Variants in ACADL observed in about 807,000 individuals in gnomAD.
The protein encoded by ACADL is long-chain specific acyl-CoA dehydrogenase, mitochondrial.
Under a neutral mutation model 56.9 loss-of-function variants are expected in ACADL, and 60 were observed. The ratio of observed to expected loss-of-function variants is 1.05; its 90% CI spans 0.86 to 1.31. The LOEUF (loss-of-function observed/expected upper bound fraction) is 1.31, where lower values mean the gene tolerates loss of function less well. Ranked by LOEUF, ACADL falls within the 50% of genes most tolerant of loss-of-function variation. ACADL has a pLI of 0.00. For synonymous variants in ACADL, 158 were observed against 179.7 expected, an observed-to-expected ratio of 0.88 and a Z score of 0.97; for missense variants, 484 against 525.5, an observed-to-expected ratio of 0.92 and a Z score of 0.77.
rs767415399 is a variant in ACADL at position 210,205,635 on chromosome 2, G to A, written c.765C>T (p.Ala255=). ...TATGATTTACATTATCACTCACCTG[G>A]GCTTTTAATCCCATTTTATGTAGCT... ...GRKLHKMGLK[A]QDTAELFFED... is the part of the protein sequence containing the mutation. Residue 255 remains alanine, a synonymous_variant, in exon 6 of 11, where the codon GCC becomes GCT. Coordinates refer to ENST00000233710, the MANE Select transcript of ACADL (RefSeq NM_001608.4). 3 of 1,613,384 alleles carry A rather than the reference G, an allele frequency of 1.9e-6. No individual in the cohort carries two copies. Among genetic ancestry groups the A allele is most frequent in the African/African-American group, 1.3e-5 (1 of 74,826 alleles).
intron 5 of ACADL, among the ~76,000 whole-genome samples, chr2:210,209,354 T>C (rs1032084098): frequency 6.6e-6 from 1 of 152,184 alleles, no homozygotes; most frequent in Non-Finnish European, 1.5e-5. Flanking sequence ...GCAATATCAC[T>C]TGCCCTCAGT....
In ACADL at chr2:210,216,575, A is replaced by G. The variant is rs951436317; in HGVS notation, c.372-64T>C. ...AGCAATAAAAAACGACTATTATAAC[A>G]ACAATGTATTAAGGTCCTATCAAAT... On this transcript the variant is annotated intron_variant, in intron 3 of 10. Transcript: ENST00000233710. 98 of 1,450,548 alleles carry G rather than the reference A, an allele frequency of 6.8e-5. 3 individuals carry two copies. The South Asian group carries it at 1.1e-3, about 16-fold the overall frequency. The allele number at this position is 1,450,548 out of a possible 1,614,324, so 89.9% of individuals were successfully genotyped here. A position where few individuals can be genotyped will look rare whatever the true frequency, so the allele number is the denominator to read the frequency against.
chr2:210,209,254 A>G (rs940030546), intron 5 of ACADL, among the ~76,000 whole-genome samples: 1 of 152,238 alleles, frequency 6.6e-6, no homozygotes, highest in African/African-American at 2.4e-5. Flanking sequence ...TTGTTTTAGA[A>G]CAGTAAATAA....
rs1386660049 is a variant in ACADL, at chr2:210,188,121, GT to G, written c.*839del. The G allele has an allele frequency of 6.6e-6, 1 of 151,994 alleles. No individual in the cohort carries two copies. Among genetic ancestry groups the G allele is most frequent in the African/African-American group, 2.4e-5 (1 of 41,372 alleles). The allele number at this position is 151,994 out of a possible 1,614,324, so 9.4% of individuals were successfully genotyped here. ...CACTTATTTTTTAGTGATCTTGCCA[GT>G]TTTGTTTGTCATCATTGTATTAACA... On this transcript the variant is annotated 3_prime_UTR_variant, in exon 11 of 11. Transcript: ENST00000233710.
chr2:210,212,081 C>T (rs1186280443), intron 4 of ACADL, among the ~76,000 whole-genome samples: 1 of 151,942 alleles, frequency 6.6e-6, no homozygotes, highest in East Asian at 1.9e-4. Flanking sequence ...GATCTGCACA[C>T]CTTGGCCTCC....
intron 4 of ACADL, among the ~76,000 whole-genome samples, chr2:210,214,503 G>GAAAGAAAGAAAGAAAGA (rs1553691033): frequency 4.0e-5 from 6 of 150,618 alleles, no homozygotes; most frequent in Non-Finnish European, 7.4e-5. Flanking sequence ...AAGAAAGAAA[G>GAAAGAAAGAAAGAAAGA]AAAGAAAAAG....
At chr2:210,205,481 G>T in intron 6 of ACADL, 151 bp downstream of exon 6, 2 of 732,334 alleles carry the variant, frequency 2.7e-6, no homozygotes, top group Non-Finnish European at 4.5e-6. Context: ...GTATAAATGA[G>T]AATAAATCTC....
intron 9 of ACADL, among the ~76,000 whole-genome samples, chr2:210,194,183 A>C (rs1004449046): frequency 2.0e-5 from 3 of 152,148 alleles, no homozygotes; most frequent in African/African-American, 7.2e-5. Context: ...TTTTTTTTAC[A>C]CTTTTTGCCA....
chr2:210,198,635 A>C (rs1484057848), intron 8 of ACADL, among the ~76,000 whole-genome samples: 2 of 152,114 alleles, frequency 1.3e-5, no homozygotes, highest in African/African-American at 4.8e-5. Flanking sequence ...ATAGGTAAAG[A>C]GTGTAGGTTC....
In ACADL at chr2:210,225,398, G is replaced by A; in HGVS notation, c.-135C>T. On this transcript the variant is annotated 5_prime_UTR_variant, in exon 1 of 11. Coordinates refer to ENST00000233710, the MANE Select transcript of ACADL (RefSeq NM_001608.4). ...TGTCCTCCCAAAAAAGCGCTCGCGC[G>A]CGCCCTTCCGGAGCCCCAACCACGC... The A allele has an allele frequency of 9.9e-7, 1 of 1,005,606 alleles. No individual in the cohort carries two copies. The highest frequency in any genetic ancestry group is 1.4e-6 in the Non-Finnish European group (1 of 706,602). 62.3% of individuals were successfully genotyped at this position (1,005,606 alleles called of 1,614,324 possible).
intron 4 of ACADL, among the ~76,000 whole-genome samples, chr2:210,214,499 G>GAAAGAAAGAAAGA (rs1553691024): frequency 7.3e-5 from 11 of 150,448 alleles, no homozygotes; most frequent in Admixed American, 5.9e-4. Flanking sequence ...AAGAAAGAAA[G>GAAAGAAAGAAAGA]AAAGAAAGAA....
intron 8 of ACADL, among the ~76,000 whole-genome samples, 162 bp from the exon 9 acceptor site, chr2:210,195,500 G>A (rs533873305): frequency 6.6e-6 from 1 of 152,236 alleles, no homozygotes; most frequent in African/African-American, 2.4e-5. Context: ...TACCAAATCA[G>A]CTTAAATTTA....
chr2:210,201,057 T>G (rs1415630337), intron 8 of ACADL, among the ~76,000 whole-genome samples: 1 of 152,152 alleles, frequency 6.6e-6, no homozygotes, highest in Non-Finnish European at 1.5e-5. Context: ...AGCCTGCCCT[T>G]TCCCAACTGA....
intron 4 of ACADL, among the ~76,000 whole-genome samples, chr2:210,210,638 T>C (rs939887840): frequency 4.6e-5 from 7 of 152,094 alleles, no homozygotes; most frequent in Non-Finnish European, 8.8e-5. Flanking sequence ...TTCCCCTGTC[T>C]CTATTGATCA....
In ACADL at chr2:210,220,691, A is replaced by G. The variant is rs1376256929; in HGVS notation, c.189T>C (p.Ser63=). The change falls in exon 2 of 11, where the codon AGT becomes AGC. Residue 63 remains serine, a synonymous_variant. Transcript: ENST00000233710. The part of the protein sequence containing the change: ...FSPEHDIFRK[S]VRKFFQEEVI... ...CTTCTTCTTGGAAAAACTTCCTTAC[A>G]CTTTTCCGGAAAATGTCATGCTCTG... 6.2e-7 allele frequency: 1 copy of G among 1,613,450 alleles called. No individual in the cohort carries two copies. The highest frequency in any genetic ancestry group is 8.5e-7 in the Non-Finnish European group (1 of 1,179,740).
intron 2 of ACADL, 95 bp from the exon 3 acceptor site, chr2:210,218,197 A>G: frequency 8.1e-7 from 1 of 1,241,272 alleles, no homozygotes; most frequent in Non-Finnish European, 1.1e-6. Context: ...GTAGAAATGC[A>G]TTCTTAATTT....
At position 210,205,754 on chromosome 2, in the gene ACADL, C is replaced by T; in HGVS notation, c.646G>A (p.Val216Ile). The change falls in exon 6 of 11, where the codon GTT becomes ATT. Residue 216 changes from valine to isoleucine, a missense_variant. By Grantham distance (29) the Val-to-Ile change is conservative. Transcript: ENST00000233710. ...GGAGCTTCATGATTTGTGACCGCAA[C>T]TACAATCACAACATCACTTAATGAC... ...NGSLSDVVIV[V>I]AVTNHEAPSP... is the part of the protein sequence containing the mutation. 6.2e-7 allele frequency: 1 copy of T among 1,614,024 alleles called. No homozygotes were observed. Among genetic ancestry groups the T allele is most frequent in the East Asian group, 2.2e-5 (1 of 44,870 alleles).
chr2:210,195,829 T>C (rs937431899), intron 8 of ACADL, among the ~76,000 whole-genome samples: 1 of 152,170 alleles, frequency 6.6e-6, no homozygotes, highest in Admixed American at 6.6e-5. Flanking sequence ...TTCATAAACA[T>C]CAAAATATAA....
At position 210,218,019 on chromosome 2, in the gene ACADL, T is replaced by G; in HGVS notation, c.317A>C (p.His106Pro). ...CAGATCCCCTCCAATTCCACCAAGATGCTCTGCAATATTGACACCAAGCAG... is the reference window on the plus strand; with the variant it reads ...CAGATCCCCTCCAATTCCACCAAGAGGCTCTGCAATATTGACACCAAGCAG... ...QGLLGVNIAE[H>P]LGGIGGDLYS... is the part of the protein sequence containing the mutation. Residue 106 changes from histidine to proline, a missense_variant, in exon 3 of 11, where the codon CAT (histidine) becomes CCT (proline). By Grantham distance (77) the His-to-Pro change is moderately conservative (BLOSUM62 -2). Coordinates refer to ENST00000233710, the MANE Select transcript of ACADL (RefSeq NM_001608.4). The G allele has an allele frequency of 6.2e-7, 1 of 1,614,104 alleles. No individual in the cohort carries two copies. The highest frequency in any genetic ancestry group is 8.5e-7 in the Non-Finnish European group (1 of 1,180,016).
Sources: gnomAD v4.1 joint callset for allele counts (sites outside exome capture counted in the v4.1 genomes callset) on GRCh38, gnomAD v4.1.1 for gene constraint, MANE v1.5 for transcripts, NCBI Gene and HGNC (gene_info 2026-07-23, HGNC 2026-07-21) for gene names.